AAGAB: variants seen among roughly 807,000 people sequenced by gnomAD.
The protein encoded by AAGAB is alpha- and gamma-adaptin-binding protein p34.
AAGAB carries 38 observed loss-of-function variants against 44.1 expected under a neutral mutation model. The ratio of observed to expected loss-of-function variants is 0.86; its 90% CI spans 0.67 to 1.13. AAGAB has a LOEUF of 1.13. Among genes scored for constraint, AAGAB ranks in the 50% most tolerant of loss-of-function variants. The pLI is 0.00. For synonymous variants in AAGAB, 131 were observed against 131.8 expected (o/e 0.99, Z 0.04); for missense variants, 450 against 373.8 (o/e 1.20, Z -1.68).
rs1963589133 is a variant in AAGAB at position 67,202,468 on chromosome 15, G to T, written c.*353C>A. On this transcript the variant is annotated 3_prime_UTR_variant, in exon 10 of 10. Coordinates refer to ENST00000261880, the MANE Select transcript of AAGAB (RefSeq NM_024666.5). ...ATGTGCAGTATCAAGTGTGAATGCTGGAAATGCTACTTAAAAGGTTGACCA... is the reference window on the plus strand; with the variant it reads ...ATGTGCAGTATCAAGTGTGAATGCTTGAAATGCTACTTAAAAGGTTGACCA... The T allele has an allele frequency of 4.6e-6, 1 of 216,866 alleles. No homozygotes were observed. Among genetic ancestry groups the T allele is most frequent in the Non-Finnish European group, 9.2e-6 (1 of 108,326 alleles). 13.4% of individuals were successfully genotyped at this position (216,866 alleles called of 1,614,324 possible). A position where few individuals can be genotyped will look rare whatever the true frequency, so the allele number is the denominator to read the frequency against.
chr15:67,231,692 GA>G, intron 5 of AAGAB, 121 bp downstream of exon 5: 1 of 760,940 alleles, frequency 1.3e-6, no homozygotes, highest in Non-Finnish European at 2.2e-6. Context: ...TTCAATCAGC[GA>G]ACTGAAATTG....
chr15:67,245,790 C>A (rs374842760), intron 1 of AAGAB, among the ~76,000 whole-genome samples: 1 of 152,114 alleles, frequency 6.6e-6, no homozygotes, highest in African/African-American at 2.4e-5. Context: ...AAAGTCAGAT[C>A]GCTTAAAAAA....
chr15:67,213,773 T>C (rs896620132), intron 5 of AAGAB, among the ~76,000 whole-genome samples: 7 of 152,230 alleles, frequency 4.6e-5, no homozygotes, highest in Non-Finnish European at 8.8e-5. Context: ...TAAGGGTTAG[T>C]AATAGATAAC....
intron 1 of AAGAB, 160 bp downstream of exon 1, chr15:67,254,399 G>A: frequency 7.0e-6 from 10 of 1,423,580 alleles, no homozygotes; most frequent in Non-Finnish European, 8.3e-6. Context: ...GAGATTAAGA[G>A]ATAGGGGCAG....
chr15:67,213,105 G>C (rs1342944238), intron 5 of AAGAB, among the ~76,000 whole-genome samples: 1 of 152,158 alleles, frequency 6.6e-6, no homozygotes, highest in Non-Finnish European at 1.5e-5. Flanking sequence ...GCTGTTAAGT[G>C]ATGTAAAATA....
chr15:67,252,049 G>A (rs1017628837), intron 1 of AAGAB, among the ~76,000 whole-genome samples: 5 of 152,070 alleles, frequency 3.3e-5, no homozygotes, highest in Non-Finnish European at 4.4e-5. Context: ...ATCTTAACCC[G>A]AACTGGAATT....
chr15:67,254,956 C>G (rs760146170), upstream of AAGAB: 1 of 1,612,312 alleles, frequency 6.2e-7, no homozygotes. Flanking sequence ...AGGTGGGAAA[C>G]GGGCTTCCCC....
At chr15:67,214,960 A>C (rs548180208) in intron 5 of AAGAB, among the ~76,000 whole-genome samples, 80 of 151,690 alleles carry the variant, frequency 5.3e-4, no homozygotes, top group Non-Finnish European at 9.7e-4. Context: ...TTAAGTAAGG[A>C]CTATAACAAA....
chr15:67,204,246 A>G (rs1963635914), intron 7 of AAGAB, 98 bp from the exon 8 acceptor site: 4 of 792,198 alleles, frequency 5.0e-6, no homozygotes, highest in South Asian at 3.5e-5. Context: ...GAAGTCACCA[A>G]TGATCGAAGG....
At chr15:67,230,226 A>C (rs1005189612) in intron 5 of AAGAB, among the ~76,000 whole-genome samples, 1 of 152,124 alleles carries the variant, frequency 6.6e-6, no homozygotes, top group South Asian at 2.1e-4. Context: ...AAGAGATGTA[A>C]GACAGAAAAA....
At position 67,219,466 on chromosome 15, in the gene AAGAB, G is replaced by A. The variant is rs569289290; in HGVS notation, c.536-9922C>T. 3.9e-5 allele frequency among the ~76,000 whole-genome samples: 6 copies of A among 152,250 alleles called. No individual in the cohort carries two copies. In the South Asian group the frequency reaches 1.2e-3, roughly 32 times the overall value. On this transcript the variant is annotated intron_variant, in intron 5 of 9. Transcript: ENST00000261880. ...AGAAAACATGGTACATGTACACCAT[G>A]GAATACTACACAGCCATAAAAAAGA... is the stretch of plus-strand genomic sequence containing the variant.
chr15:67,230,203 T>A (rs927041098), intron 5 of AAGAB, among the ~76,000 whole-genome samples: 3 of 152,066 alleles, frequency 2.0e-5, no homozygotes, highest in Non-Finnish European at 4.4e-5. Flanking sequence ...TCAGCATACT[T>A]GTTGAGGCAG....
chr15:67,238,698 A>ATTTT (rs35660168), intron 1 of AAGAB, among the ~76,000 whole-genome samples: 30,684 of 145,278 alleles, frequency 0.21, 3,791 homozygotes, highest in East Asian at 0.46. Context: ...ATCAGTCTTA[A>ATTTT]TTTTTTTTTT....
In AAGAB at chr15:67,225,478, A is replaced by C. The variant is rs113286860; in HGVS notation, c.535+6336T>G. On this transcript the variant is annotated intron_variant, in intron 5 of 9. Transcript: ENST00000261880. ...TTCAGTGGTTTTTAGTATATTCACA[A>C]AGTTGTGCAACCATCATCACCATTT... 5.6e-3 allele frequency among the ~76,000 whole-genome samples: 860 copies of C among 152,224 alleles called. 6 individuals are homozygous for C. The highest frequency in any genetic ancestry group is 0.02 in the African/African-American group (814 of 41,526).
intron 7 of AAGAB, among the ~76,000 whole-genome samples, chr15:67,206,442 A>G (rs961934339): frequency 3.9e-5 from 6 of 152,136 alleles, no homozygotes; most frequent in Non-Finnish European, 8.8e-5. Context: ...CAGATATACT[A>G]CTTCTCCTCA....
Position 67,201,872 on chromosome 15 carries a change from A to T in AAGAB, c.*949T>A, listed in dbSNP as rs980643567. 1.3e-5 allele frequency: 2 copies of T among 152,312 alleles called. No homozygotes were observed. The highest frequency in any genetic ancestry group is 4.8e-5 in the African/African-American group (2 of 41,436). The allele number at this position is 152,312 out of a possible 1,614,324, so 9.4% of individuals were successfully genotyped here. A position where few individuals can be genotyped will look rare whatever the true frequency, so the allele number is the denominator to read the frequency against. ...TGGAAGAAAAACAAGGTGCTCAGGA[A>T]TTCATCGCCTAACATTTCACTTCCC... On this transcript the variant is annotated 3_prime_UTR_variant, in exon 10 of 10. Transcript: ENST00000261880.
At chr15:67,227,657 A>C (rs947261692) in intron 5 of AAGAB, among the ~76,000 whole-genome samples, 8 of 152,238 alleles carry the variant, frequency 5.3e-5, no homozygotes, top group African/African-American at 1.9e-4. Context: ...TTCACTGGGC[A>C]CACAGACGGA....
intron 7 of AAGAB, among the ~76,000 whole-genome samples, chr15:67,205,443 C>T (rs953978565): frequency 2.6e-5 from 4 of 152,154 alleles, no homozygotes; most frequent in African/African-American, 9.7e-5. Flanking sequence ...GACAGAATCA[C>T]TCCATGCCTA....
chr15:67,245,199 T>C (rs1157418064), intron 1 of AAGAB, among the ~76,000 whole-genome samples: 2 of 152,082 alleles, frequency 1.3e-5, no homozygotes, highest in East Asian at 1.9e-4. Flanking sequence ...CCATGAAAAC[T>C]TGCACAAGAA....
Sources: gnomAD v4.1 joint callset for allele counts (sites outside exome capture counted in the v4.1 genomes callset) on GRCh38, gnomAD v4.1.1 for gene constraint, MANE v1.5 for transcripts, NCBI Gene and HGNC (gene_info 2026-07-23, HGNC 2026-07-21) for gene names.